NME7: variants seen among roughly 807,000 people sequenced by gnomAD.
NME7 encodes nucleoside diphosphate kinase 7.
In NME7, 41 loss-of-function variants were observed where a neutral mutation model predicts 49.1. The ratio of observed to expected loss-of-function variants is 0.83; its 90% CI spans 0.65 to 1.08. NME7 has a LOEUF of 1.08. Among genes scored for constraint, NME7 ranks in the 50% least tolerant of loss-of-function variants. The probability of loss-of-function intolerance (pLI) is 0.00; values close to 1 mark genes in which losing one functional copy is unlikely to be tolerated. For missense variants in NME7, 423 were observed against 463.4 expected (o/e 0.91, Z 0.80); for synonymous variants, 139 against 150.6 (o/e 0.92, Z 0.56).
At chr1:169,257,361 G>A (rs1282404430) in intron 7 of NME7, among the ~76,000 whole-genome samples, 1 of 134,582 alleles carries the variant, frequency 7.4e-6, no homozygotes, top group East Asian at 2.0e-4. Flanking sequence ...CTTTGACTCA[G>A]AAAGGGAACT....
At chr1:169,171,197 G>A (rs1028544930) in intron 10 of NME7, among the ~76,000 whole-genome samples, 2 of 151,886 alleles carry the variant, frequency 1.3e-5, no homozygotes, top group Non-Finnish European at 2.9e-5. Context: ...GAGAGACCCC[G>A]TTGCTACAAA....
At chr1:169,205,884 A>G (rs1001558959) in intron 10 of NME7, among the ~76,000 whole-genome samples, 5 of 152,020 alleles carry the variant, frequency 3.3e-5, no homozygotes, top group Admixed American at 2.0e-4. Flanking sequence ...CACCTCACAC[A>G]TTCACTCCAC....
At chr1:169,177,838 T>G (rs1659801143) in intron 10 of NME7, among the ~76,000 whole-genome samples, 2 of 128,590 alleles carry the variant, frequency 1.6e-5, no homozygotes, top group African/African-American at 5.2e-5. Context: ...TCTCTTTTTT[T>G]GTTTTTTGTT....
intron 5 of NME7, among the ~76,000 whole-genome samples, chr1:169,301,083 G>T (rs1193952371): frequency 6.6e-6 from 1 of 151,678 alleles, no homozygotes; most frequent in East Asian, 1.9e-4. Context: ...AAATTGACGA[G>T]TGGGACTAAA....
chr1:169,297,123 G>A (rs2152980), intron 6 of NME7, among the ~76,000 whole-genome samples: 10,645 of 151,976 alleles, frequency 0.07, 1,479 homozygotes, highest in East Asian at 0.66. Flanking sequence ...ACAGGTGGGC[G>A]CCACCACACC....
chr1:169,303,451 T>C (rs1270901342), intron 4 of NME7: 1 of 182,488 alleles, frequency 5.5e-6, no homozygotes, highest in African/African-American at 2.4e-5. Context: ...TTGTCTATCT[T>C]CTTCTTTTTT....
intron 10 of NME7, among the ~76,000 whole-genome samples, chr1:169,190,116 T>A (rs891678824): frequency 2.0e-5 from 3 of 152,100 alleles, no homozygotes; most frequent in African/African-American, 7.2e-5. Context: ...CAATTTTACC[T>A]CTAGAAATTA....
chr1:169,347,159 C>T (rs1263037531), intron 1 of NME7, among the ~76,000 whole-genome samples: 2 of 152,062 alleles, frequency 1.3e-5, no homozygotes, highest in Non-Finnish European at 2.9e-5. Context: ...ATGACCATAC[C>T]CCTGCGCTCC....
At chr1:169,280,307 G>C (rs557260592) in intron 7 of NME7, among the ~76,000 whole-genome samples, 27 of 152,040 alleles carry the variant, frequency 1.8e-4, no homozygotes, top group Non-Finnish European at 3.2e-4. Context: ...GGGGTTGTTT[G>C]TTTTTTTCTT....
Position 169,132,749 on chromosome 1 carries a change from A to G in NME7, c.*36T>C, listed in dbSNP as rs375795890. Reference sequence around the variant, plus strand: ...TCGTGTGTGATTCACTCTTGTCTAAATGTCCCAACCTGTGACTTCTTTACT... The same window carrying G: ...TCGTGTGTGATTCACTCTTGTCTAAGTGTCCCAACCTGTGACTTCTTTACT... On this transcript the variant is annotated 3_prime_UTR_variant, in exon 12 of 12. Coordinates refer to ENST00000367811, the MANE Select transcript of NME7 (RefSeq NM_013330.5). 2.5e-6 allele frequency: 4 copies of G among 1,600,888 alleles called. No individual in the cohort carries two copies. The highest frequency in any genetic ancestry group is 2.2e-5 in the East Asian group (1 of 44,692).
At chr1:169,303,973 C>T (rs1490655964) in intron 4 of NME7, among the ~76,000 whole-genome samples, 2 of 152,110 alleles carry the variant, frequency 1.3e-5, no homozygotes, top group African/African-American at 4.8e-5. Context: ...AGCTAGGTCT[C>T]TCCAAAGGAA....
chr1:169,362,743 G>T (rs535157726), intron 1 of NME7, among the ~76,000 whole-genome samples: 7 of 152,284 alleles, frequency 4.6e-5, no homozygotes, highest in Non-Finnish European at 8.8e-5. Flanking sequence ...TCTTAGGCCT[G>T]TTCTTTCTCA....
intron 11 of NME7, among the ~76,000 whole-genome samples, chr1:169,161,221 G>A (rs941723993): frequency 6.6e-6 from 1 of 152,092 alleles, no homozygotes; most frequent in African/African-American, 2.4e-5. Context: ...CTACCTCCTG[G>A]TCAAAGCCCC....
intron 7 of NME7, among the ~76,000 whole-genome samples, chr1:169,239,760 A>G (rs929914374): frequency 1.3e-5 from 2 of 152,042 alleles, no homozygotes; most frequent in Admixed American, 1.3e-4. Context: ...AGAGCTGGAG[A>G]AGAATACATA....
At chr1:169,327,176 A>G (rs1035744781) in intron 1 of NME7, among the ~76,000 whole-genome samples, 2 of 152,158 alleles carry the variant, frequency 1.3e-5, no homozygotes, top group Non-Finnish European at 2.9e-5. Context: ...ACATAGATAC[A>G]CCTTGAGTTG....
rs36138444 is a variant in NME7 at position 169,355,367 on chromosome 1, TACAC to T, written c.3+12337_3+12340del. Among the ~76,000 whole-genome samples, 32 of 71,210 alleles carry T rather than the reference TACAC, an allele frequency of 4.5e-4. 1 individual carries two copies. Among genetic ancestry groups the T allele is most frequent in the South Asian group, 1.7e-3 (5 of 3,006 alleles). 46.7% of individuals were successfully genotyped at this position (71,210 alleles called of 152,430 possible). A position where few individuals can be genotyped will look rare whatever the true frequency, so the allele number is the denominator to read the frequency against. On this transcript the variant is annotated intron_variant, in intron 1 of 11. Transcript: ENST00000367811. Reference sequence around the variant, plus strand: ...TATTATATATATTAAATATATATTATACACACACACACACACACACACACACATA... The same window carrying T: ...TATTATATATATTAAATATATATTATACACACACACACACACACACACATA...
chr1:169,216,281 C>G (rs538317245), intron 10 of NME7, among the ~76,000 whole-genome samples: 1 of 152,306 alleles, frequency 6.6e-6, no homozygotes, highest in Non-Finnish European at 1.5e-5. Context: ...ACTTTCAGCT[C>G]TACTTCCTAA....
intron 1 of NME7, among the ~76,000 whole-genome samples, chr1:169,354,832 T>C (rs1653325077): frequency 7.4e-6 from 1 of 134,694 alleles, no homozygotes; most frequent in Non-Finnish European, 1.5e-5. Flanking sequence ...ATATAATACA[T>C]AATAGATATA....
chr1:169,361,280 GT>G (rs1276274024), intron 1 of NME7, among the ~76,000 whole-genome samples: 1 of 152,180 alleles, frequency 6.6e-6, no homozygotes, highest in Non-Finnish European at 1.5e-5. Context: ...AAATACCACT[GT>G]TTCCTACTAA....
Sources: allele counts gnomAD v4.1 joint callset (sites outside exome capture counted in the v4.1 genomes callset), GRCh38; gene constraint gnomAD v4.1.1; transcripts MANE v1.5; gene names NCBI Gene and HGNC (gene_info 2026-07-23, HGNC 2026-07-21).